The following PSD variants were observed in gnomAD, a reference collection of about 807,000 sequenced individuals.
PSD encodes the protein pleckstrin and Sec7 domain containing.
A neutral mutation model predicts 91.6 loss-of-function variants in PSD; 32 were observed. The observed-to-expected ratio is 0.35, with a 90% CI of 0.26 to 0.47. PSD has a LOEUF of 0.47. Ranked by LOEUF, PSD falls within the 20% of genes least tolerant of loss-of-function variation. PSD has a pLI of 1.00. For missense variants in PSD, 1,099 were observed against 1,373.9 expected (o/e 0.80, Z 3.16); for synonymous variants, 532 against 569.3 (o/e 0.93, Z 0.93).
chr10:102,404,049 TAA>T lies in PSD; in HGVS notation c.2701-66_2701-65del. 2.7e-6 allele frequency: 4 copies of T among 1,466,428 alleles called. No individual in the cohort carries two copies. The highest frequency in any genetic ancestry group is 3.6e-6 in the Non-Finnish European group (4 of 1,106,384). 90.8% of individuals were successfully genotyped at this position (1,466,428 alleles called of 1,614,324 possible). A position where few individuals can be genotyped will look rare whatever the true frequency, so the allele number is the denominator to read the frequency against. On this transcript the variant is annotated intron_variant, in intron 15 of 16. Coordinates refer to ENST00000020673, the MANE Select transcript of PSD (RefSeq NM_002779.5). The surrounding 1 kb of genome is among the most constrained non-coding windows in gnomAD (Gnocchi z 5.7). ...CCTATACAGTGCCTCTGCAGATTTT[TAA>T]AAAGATACCCCTTCCAGCCGGGCGC...
chr10:102,415,321 T>A, intron 3 of PSD, 92 bp from the exon 4 acceptor site: 2 of 1,424,054 alleles, frequency 1.4e-6, no homozygotes, highest in East Asian at 2.4e-5. Flanking sequence ...CTGCCTCATA[T>A]TGACAGGAAG....
chr10:102,412,199 C>T lies in PSD; in HGVS notation c.1777G>A (p.Glu593Lys). The part of the protein sequence containing the change: ...NNDFSKLVAG[E>K]YLKFFVFTGM... Reference sequence around the variant, plus strand: ...GTGAAGACAAAGAACTTGAGGTACTCCCCAGCCACCAGTTTGCTGAAGTCA... The same window carrying T: ...GTGAAGACAAAGAACTTGAGGTACTTCCCAGCCACCAGTTTGCTGAAGTCA... The change falls in exon 7 of 17, where the codon GAG becomes AAG. Residue 593 changes from glutamate to lysine, a missense_variant. Around this residue, in one of 3 missense-constraint regions of PSD, gnomAD observed 110 missense variants for 218.7 expected, o/e 0.50. Transcript: ENST00000020673. 5 of 1,614,164 alleles carry T rather than the reference C, an allele frequency of 3.1e-6. No individual in the cohort carries two copies. The highest frequency in any genetic ancestry group is 4.2e-6 in the Non-Finnish European group (5 of 1,180,030).
chr10:102,408,802 C>T, intron 10 of PSD: 9 of 851,244 alleles, frequency 1.1e-5, no homozygotes, highest in Non-Finnish European at 1.3e-5. Flanking sequence ...TACCAGGCTC[C>T]GCCCTCGGTT....
intron 10 of PSD, among the ~76,000 whole-genome samples, chr10:102,408,480 C>G (rs986082210): frequency 6.6e-6 from 1 of 152,142 alleles, no homozygotes; most frequent in Non-Finnish European, 1.5e-5. Flanking sequence ...CACACCCAGA[C>G]GAAACCCAGC....
chr10:102,417,615 G>A (rs917111307), intron 1 of PSD, among the ~76,000 whole-genome samples: 13 of 152,146 alleles, frequency 8.5e-5, no homozygotes, highest in African/African-American at 2.4e-4. Flanking sequence ...ATGCTGAAGG[G>A]CTGAGAGGCA....
chr10:102,418,542 C>G (rs1395806649), intron 1 of PSD, among the ~76,000 whole-genome samples, 159 bp downstream of exon 1: 1 of 152,092 alleles, frequency 6.6e-6, no homozygotes, highest in African/African-American at 2.4e-5. Context: ...ACAGATCCCG[C>G]CCAGGAGAGA....
Position 102,404,015 on chromosome 10 carries a change from T to G in PSD, c.2701-30A>C. On this transcript the variant is annotated intron_variant, in intron 15 of 16. Coordinates refer to ENST00000020673, the MANE Select transcript of PSD (RefSeq NM_002779.5). The surrounding 1 kb of genome is among the most constrained non-coding windows in gnomAD (Gnocchi z 5.7). ...CGGCCAGGGGGAGGCATGGTCATGG[T>G]CACTCTGCCCTATACAGTGCCTCTG... The G allele has an allele frequency of 6.5e-7, 1 of 1,535,928 alleles. No individual in the cohort carries two copies. The highest frequency in any genetic ancestry group is 8.7e-7 in the Non-Finnish European group (1 of 1,143,970).
intron 7 of PSD, 81 bp from the exon 8 acceptor site, chr10:102,411,900 G>A (rs2061428778): frequency 1.8e-6 from 2 of 1,085,212 alleles, no homozygotes; most frequent in Admixed American, 1.9e-5. Context: ...GGCTTTGAGA[G>A]TACAGCAGCT....
At position 102,402,684 on chromosome 10, in the gene PSD, G is replaced by GAAAGCC. The variant is rs2061291857; in HGVS notation, c.*510_*515dup. 1 of 326,990 alleles carries GAAAGCC rather than the reference G, an allele frequency of 3.1e-6. No individual in the cohort carries two copies. Among genetic ancestry groups the GAAAGCC allele is most frequent in the Admixed American group, 4.6e-5 (1 of 21,818 alleles). 20.3% of individuals were successfully genotyped at this position (326,990 alleles called of 1,614,324 possible). A position where few individuals can be genotyped will look rare whatever the true frequency, so the allele number is the denominator to read the frequency against. On this transcript the variant is annotated 3_prime_UTR_variant, in exon 17 of 17. Transcript: ENST00000020673. ...AAGGGCAAGGCCCACTGAAGCGGGG[G>GAAAGCC]AAAGCCAGGCCGTGCTGCCCCCGGC... is the stretch of plus-strand genomic sequence containing the variant.
chr10:102,412,347 G>C, intron 6 of PSD, 34 bp downstream of exon 6: 1 of 1,612,006 alleles, frequency 6.2e-7, no homozygotes, highest in Non-Finnish European at 8.5e-7. Context: ...CATTCCCTCT[G>C]CCCCCATCCT....
chr10:102,414,048 G>A lies in PSD; in HGVS notation c.1274C>T (p.Ser425Leu), dbSNP rs751241410. The change falls in exon 5 of 17, where the codon TCG becomes TTG. Residue 425 changes from serine (S) to leucine (L), a missense_variant. Transcript: ENST00000020673. This position sits in a 1 kb window ranked among gnomAD's most constrained non-coding sequence, Gnocchi z 5.6. ...AKGTSYTSLA[S>L]LEALASPGPT... ...GCCAGGTGAGGCCAAGGCCTCCAGC[G>A]AGGCGAGGCTGGTATAGGAGGTGCC... 2.5e-6 allele frequency: 4 copies of A among 1,614,094 alleles called. No homozygotes were observed. The highest frequency in any genetic ancestry group is 1.7e-5 in the Admixed American group (1 of 60,032).
chr10:102,405,039 C>G lies in PSD; in HGVS notation c.2414G>C (p.Gly805Ala), dbSNP rs1224770402. The change falls in exon 14 of 17, where the codon GGG becomes GCG. Residue 805 changes from glycine (G) to alanine (A), a missense_variant. Physicochemically the swap from Gly to Ala is moderately conservative, Grantham distance 60 (BLOSUM62 0). Around this residue, in one of 3 missense-constraint regions of PSD, gnomAD observed 358 missense variants for 426.5 expected, o/e 0.84. Transcript: ENST00000020673. The surrounding 1 kb of genome is among the most constrained non-coding windows in gnomAD (Gnocchi z 5.4). ...GAGCTCCGTCTCTGAAAGGGCCTTCCCAGGCTTGTACTCCTCCTGCAGGGG... is the reference window on the plus strand; with the variant it reads ...GAGCTCCGTCTCTGAAAGGGCCTTCGCAGGCTTGTACTCCTCCTGCAGGGG... Reference protein sequence around the residue: ...LYLQKEEYKPGKALSETELKN... With the variant: ...LYLQKEEYKPAKALSETELKN... 3 of 1,613,862 alleles carry G rather than the reference C, an allele frequency of 1.9e-6. No individual in the cohort carries two copies. In the African/African-American group the frequency reaches 4.0e-5, roughly 22 times the overall value.
Position 102,414,187 on chromosome 10 carries a change from G to T in PSD, c.1135C>A (p.Arg379=), listed in dbSNP as rs142069041. 1.2e-6 allele frequency: 2 copies of T among 1,606,996 alleles called. No individual in the cohort carries two copies. Among genetic ancestry groups the T allele is most frequent in the African/African-American group, 1.3e-5 (1 of 74,708 alleles). ...EASEGARPGS[R]MPLKSPVPFL... is the part of the protein sequence containing the mutation. ...GGCACAGGTGACTTGAGAGGCATCC[G>T]GCTCCCTGGCCTGCAGGGGCAGGGA... Residue 379 remains arginine (R), a synonymous_variant, in exon 5 of 17, where the codon CGG becomes AGG. Transcript: ENST00000020673. This position sits in a 1 kb window ranked among gnomAD's most constrained non-coding sequence, Gnocchi z 5.6.
At position 102,416,116 on chromosome 10, in the gene PSD, C is replaced by G; in HGVS notation, c.658G>C (p.Asp220His). 1 of 1,611,078 alleles carries G rather than the reference C, an allele frequency of 6.2e-7. No homozygotes were observed. Among genetic ancestry groups the G allele is most frequent in the Non-Finnish European group, 8.5e-7 (1 of 1,177,848 alleles). The change falls in exon 3 of 17, where the codon GAT becomes CAT. Residue 220 changes from aspartate (D) to histidine (H), a missense_variant. This residue lies in a region of PSD where 631 missense variants were observed against 728.8 expected (regional missense o/e 0.87). Coordinates refer to ENST00000020673, the MANE Select transcript of PSD (RefSeq NM_002779.5). This position sits in a 1 kb window ranked among gnomAD's most constrained non-coding sequence, Gnocchi z 6.0. ...ACTTCCCGGGGGGAGGACCAGGTAT[C>G]CCCCTGAGCCAACGAGGGAGACACA... ...PADTGFLNQG[D>H]TWSSPREVSS...
intron 8 of PSD, among the ~76,000 whole-genome samples, 190 bp downstream of exon 8, chr10:102,411,517 C>T (rs543125366): frequency 1.3e-5 from 2 of 152,332 alleles, no homozygotes; most frequent in South Asian, 4.1e-4. Flanking sequence ...ATATGCCTGC[C>T]CACATGTATA....
rs767228794 is a variant in PSD, at chr10:102,412,488, C to T, written c.1641G>A (p.Leu547=). ...ERLALGSTDT[L]SNGQKADLEA... is the part of the protein sequence containing the mutation. ...CCAGGTCCGCTTTCTGCCCATTGGA[C>T]AAGGTGTCTGTGCTTCCCAGGGCCA... Residue 547 remains leucine (L), a synonymous_variant, in exon 6 of 17, where the codon TTG becomes TTA. Transcript: ENST00000020673. The T allele has an allele frequency of 4.3e-6, 7 of 1,614,000 alleles. No individual in the cohort carries two copies. Among genetic ancestry groups the T allele is most frequent in the Non-Finnish European group, 1.7e-6 (2 of 1,180,046 alleles).
In PSD at chr10:102,405,926, G is replaced by A. The variant is rs1360232615; in HGVS notation, c.2136-390C>T. ...ACGGTTTGTGGGCTAAATGGTAGCA[G>A]ATGGAAGAAGTAGTTTCCTAGTGCC... On this transcript the variant is annotated intron_variant, in intron 11 of 16. Transcript: ENST00000020673. This position sits in a 1 kb window ranked among gnomAD's most constrained non-coding sequence, Gnocchi z 5.4. The A allele has an allele frequency of 5.1e-6, 1 of 197,530 alleles. No individual in the cohort carries two copies. The highest frequency in any genetic ancestry group is 1.2e-4 in the East Asian group (1 of 8,136). 12.2% of individuals were successfully genotyped at this position (197,530 alleles called of 1,614,324 possible).
At position 102,410,882 on chromosome 10, in the gene PSD, G is replaced by A; in HGVS notation, c.2067C>T (p.Gly689=). 6.2e-7 allele frequency: 1 copy of A among 1,613,436 alleles called. No individual in the cohort carries two copies. The highest frequency in any genetic ancestry group is 1.7e-4 in the Middle Eastern group (1 of 5,986). Residue 689 remains glycine, a synonymous_variant, in exon 10 of 17, where the codon GGC becomes GGT. Transcript: ENST00000020673. The surrounding 1 kb of genome is among the most constrained non-coding windows in gnomAD (Gnocchi z 6.0). ...CCTTGAGCAGCTCCCTAGGGAAGTC[G>A]CCGCCATCATTGAGGCCCTCCAGGT... is the stretch of plus-strand genomic sequence containing the variant. ...IGNLEGLNDG[G]DFPRELLKAL... is the part of the protein sequence containing the mutation.
rs1300116054 is a variant in PSD at position 102,405,623 on chromosome 10, C to T, written c.2136-87G>A. ...GGCCTCTGCTCGCCCTGGAAAAGCT[C>T]CCCCAGTGTTTGTGGCTTGGGGGGC... On this transcript the variant is annotated intron_variant, in intron 11 of 16. Coordinates refer to ENST00000020673, the MANE Select transcript of PSD (RefSeq NM_002779.5). The surrounding 1 kb of genome is among the most constrained non-coding windows in gnomAD (Gnocchi z 5.4). The T allele has an allele frequency of 2.3e-6, 3 of 1,324,088 alleles. No homozygotes were observed. The highest frequency in any genetic ancestry group is 1.4e-5 in the South Asian group (1 of 71,906). 82.0% of individuals were successfully genotyped at this position (1,324,088 alleles called of 1,614,324 possible). A position where few individuals can be genotyped will look rare whatever the true frequency, so the allele number is the denominator to read the frequency against.
Sources: gnomAD v4.1 joint callset for allele counts (sites outside exome capture counted in the v4.1 genomes callset) on GRCh38, gnomAD v4.1.1 for gene constraint, gnomAD v4.1.1 regional missense constraint, Gnocchi (gnomAD v3.1) non-coding constraint, MANE v1.5 for transcripts, NCBI Gene and HGNC (gene_info 2026-07-23, HGNC 2026-07-21) for gene names.